The following RAD51B variants were observed in gnomAD, a reference collection of about 807,000 sequenced individuals.
RAD51B encodes the protein DNA repair protein RAD51 homolog 2.
RAD51B carries 38 observed loss-of-function variants against 42.2 expected under a neutral mutation model. The ratio of observed to expected loss-of-function variants is 0.90; its 90% CI spans 0.70 to 1.18. The LOEUF is 1.18. RAD51B is among the 50% of genes most tolerant of loss of function. The probability of loss-of-function intolerance (pLI) is 0.00; values close to 1 mark genes in which losing one functional copy is unlikely to be tolerated. For missense variants in RAD51B, 373 were observed against 400.7 expected (o/e 0.93, Z 0.59); for synonymous variants, 154 against 145.2 (o/e 1.06, Z -0.43).
At chr14:67,893,484 ACACACACACACACAC>A (rs2043285098) in intron 7 of RAD51B, among the ~76,000 whole-genome samples, 2 of 68,504 alleles carry the variant, frequency 2.9e-5, no homozygotes, top group Non-Finnish European at 6.0e-5. Flanking sequence ...ACACACACAC[ACACACACACACACAC>A]ACACACACAC....
intron 11 of RAD51B, among the ~76,000 whole-genome samples, chr14:68,662,825 C>A (rs1254175979): frequency 6.6e-6 from 1 of 152,232 alleles, no homozygotes; most frequent in Non-Finnish European, 1.5e-5. Flanking sequence ...AAAGCAGAAG[C>A]CTTCAGACAG....
intron 9 of RAD51B, among the ~76,000 whole-genome samples, chr14:68,418,176 C>T (rs2084610722): frequency 6.6e-6 from 1 of 152,154 alleles, no homozygotes; most frequent in South Asian, 2.1e-4. Flanking sequence ...TTAACCGTTA[C>T]CACCATTTCA....
chr14:68,159,589 C>A lies in RAD51B; in HGVS notation c.757-132295C>A, dbSNP rs1164609400. On this transcript the variant is annotated intron_variant, in intron 7 of 10. Coordinates refer to ENST00000471583, the MANE Select transcript of RAD51B (RefSeq NM_133510.4). ...GAGCTGAGATCGCACCACTGTGCTC[C>A]AGCCTGGGTGACAGAGCAAAACTCC... is the stretch of plus-strand genomic sequence containing the variant. 1.2e-4 allele frequency among the ~76,000 whole-genome samples: 18 copies of A among 145,908 alleles called. No individual in the cohort carries two copies. The Admixed American group carries it at 1.3e-3, about 10-fold the overall frequency.
intron 10 of RAD51B, among the ~76,000 whole-genome samples, chr14:68,573,083 CTCTA>C: frequency 6.6e-6 from 1 of 152,274 alleles, no homozygotes; most frequent in Non-Finnish European, 1.5e-5. Flanking sequence ...CCTCATACTA[CTCTA>C]TCTTATTTCC....
intron 4 of RAD51B, among the ~76,000 whole-genome samples, chr14:67,848,025 G>A (rs892209486): frequency 1.3e-5 from 2 of 152,002 alleles, no homozygotes; most frequent in South Asian, 2.1e-4. Flanking sequence ...ACACTTTTTT[G>A]TTGTTGTTGT....
intron 10 of RAD51B, among the ~76,000 whole-genome samples, chr14:68,566,793 C>T (rs1889442263): frequency 6.6e-6 from 1 of 152,086 alleles, no homozygotes; most frequent in Non-Finnish European, 1.5e-5. Flanking sequence ...ACACCAAATC[C>T]CAATTTCTCT....
At chr14:68,595,706 C>A (rs774264679) in exon 11 of RAD51B, 3 of 801,700 alleles carry the variant, frequency 3.7e-6, no homozygotes, top group Non-Finnish European at 4.7e-6. Flanking sequence ...AACATCTATA[C>A]GATGGAATAC....
At chr14:67,949,584 G>A (rs1250531770) in intron 7 of RAD51B, among the ~76,000 whole-genome samples, 2 of 152,066 alleles carry the variant, frequency 1.3e-5, no homozygotes, top group African/African-American at 4.8e-5. Context: ...CTTCGCTCCT[G>A]TCAATGTTGG....
chr14:68,316,806 G>A (rs1043110462), intron 8 of RAD51B, among the ~76,000 whole-genome samples: 8 of 152,056 alleles, frequency 5.3e-5, no homozygotes, highest in African/African-American at 1.4e-4. Flanking sequence ...ATGACTAGTC[G>A]AAGTTAATTT....
intron 11 of RAD51B, among the ~76,000 whole-genome samples, chr14:68,661,030 G>T (rs1892921537): frequency 1.3e-5 from 2 of 152,214 alleles, no homozygotes; most frequent in African/African-American, 4.8e-5. Flanking sequence ...GTGAATGGGT[G>T]GCTTGAGCGG....
intron 8 of RAD51B, chr14:68,338,732 C>T: frequency 2.4e-6 from 1 of 408,200 alleles, no homozygotes; most frequent in Non-Finnish European, 4.7e-6. Context: ...GTACATTTAA[C>T]CCAGTTCAGT....
At chr14:67,834,993 AT>A in intron 3 of RAD51B, 86 bp from the exon 4 acceptor site, 2 of 1,016,382 alleles carry the variant, frequency 2.0e-6, no homozygotes, top group South Asian at 2.9e-5. Context: ...TAGGGTTAAA[AT>A]TGCTAAAATT....
At chr14:67,985,850 T>C (rs191617916) in intron 7 of RAD51B, among the ~76,000 whole-genome samples, 1,573 of 152,036 alleles carry the variant, frequency 0.01, 27 homozygotes, top group African/African-American at 0.036. Flanking sequence ...GCGGAGGTTG[T>C]GGTGAGCTGA....
downstream of RAD51B, among the ~76,000 whole-genome samples, chr14:68,482,273 C>T (rs1021750288): frequency 2.6e-5 from 4 of 151,924 alleles, no homozygotes; most frequent in East Asian, 1.9e-4. Flanking sequence ...TAAGGTATTG[C>T]AGTCCTGGTG....
intron 7 of RAD51B, among the ~76,000 whole-genome samples, chr14:68,189,883 C>T (rs1030895804): frequency 6.6e-6 from 1 of 152,084 alleles, no homozygotes; most frequent in Non-Finnish European, 1.5e-5. Context: ...TCAGGCTGGC[C>T]TTGAACTCCT....
At chr14:68,569,858 C>G (rs1407338062) in intron 10 of RAD51B, among the ~76,000 whole-genome samples, 1 of 152,194 alleles carries the variant, frequency 6.6e-6, no homozygotes, top group Non-Finnish European at 1.5e-5. Context: ...ACAGGCCAAG[C>G]TAACCCTGGA....
rs527605265 is a variant in RAD51B, at chr14:68,163,909, G to A, written c.757-127975G>A. Among the ~76,000 whole-genome samples, 6 of 152,184 alleles carry A rather than the reference G, an allele frequency of 3.9e-5. No homozygotes were observed. In the South Asian group the frequency reaches 1.0e-3, roughly 26 times the overall value. On this transcript the variant is annotated intron_variant, in intron 7 of 10. Transcript: ENST00000471583. The stretch of plus-strand genomic sequence containing the variant: ...GACAGTAATATTTATTTATGAAAAA[G>A]TTGAAAAAATACTGTAATAAATGGT...
At chr14:68,623,391 C>T (rs375494086) in intron 10 of RAD51B, among the ~76,000 whole-genome samples, 2 of 152,346 alleles carry the variant, frequency 1.3e-5, no homozygotes, top group Admixed American at 6.5e-5. Flanking sequence ...CTCTCCAACA[C>T]GCACCTTTCC....
At chr14:68,355,248 A>G (rs1296092891) in intron 8 of RAD51B, among the ~76,000 whole-genome samples, 1 of 152,226 alleles carries the variant, frequency 6.6e-6, no homozygotes, top group African/African-American at 2.4e-5. Context: ...TCATAAAGAA[A>G]ACATTAATAC....
Sources: gnomAD v4.1 joint callset for allele counts (sites outside exome capture counted in the v4.1 genomes callset) on GRCh38, gnomAD v4.1.1 for gene constraint, MANE v1.5 for transcripts, NCBI Gene and HGNC (gene_info 2026-07-23, HGNC 2026-07-21) for gene names.